The following ASAP1 variants were observed in gnomAD, a reference collection of about 807,000 sequenced individuals.
ASAP1 encodes ArfGAP with SH3 domain, ankyrin repeat and PH domain 1.
In ASAP1, 43 loss-of-function variants were observed where a neutral mutation model predicts 145.2. The ratio of observed to expected loss-of-function variants is 0.30; its 90% CI spans 0.23 to 0.38. The LOEUF is 0.38. Among genes scored for constraint, ASAP1 ranks in the 10% least tolerant of loss-of-function variants. The pLI, the probability that ASAP1 is intolerant of heterozygous loss-of-function variation, is 1.00. For synonymous variants in ASAP1, 546 were observed against 515.5 expected (o/e 1.06, Z -0.80); for missense variants, 1,018 against 1,355.3 (o/e 0.75, Z 3.91).
At chr8:130,060,558 C>G in intron 28 of ASAP1, 21 bp downstream of exon 28, 1 of 1,587,864 alleles carries the variant, frequency 6.3e-7, no homozygotes. Context: ...TTCCTAAGGG[C>G]CTGAACATTG....
intron 4 of ASAP1, among the ~76,000 whole-genome samples, chr8:130,230,519 T>A (rs2136604597): frequency 6.6e-6 from 1 of 152,212 alleles, no homozygotes; most frequent in African/African-American, 2.4e-5. Flanking sequence ...AAAAACCCCT[T>A]CCTTGACCCT....
chr8:130,289,690 A>C (rs1416060531), intron 3 of ASAP1, among the ~76,000 whole-genome samples: 1 of 152,232 alleles, frequency 6.6e-6, no homozygotes, highest in East Asian at 1.9e-4. Flanking sequence ...CCATACAGCC[A>C]GGTAAACTCT....
intron 24 of ASAP1, among the ~76,000 whole-genome samples, chr8:130,097,681 C>T (rs2097521450): frequency 2.0e-5 from 3 of 152,196 alleles, no homozygotes; most frequent in African/African-American, 7.2e-5. Context: ...GGCCCACGGG[C>T]AGTTTTCAGG....
At position 130,333,739 on chromosome 8, in the gene ASAP1, G is replaced by A. The variant is rs142055025; in HGVS notation, c.186+24278C>T. ...ACAACACCAGAAGATTAATATTTTCGCCAATCATACAGATAAAATTATCAG... is the reference window on the plus strand; with the variant it reads ...ACAACACCAGAAGATTAATATTTTCACCAATCATACAGATAAAATTATCAG... On this transcript the variant is annotated intron_variant, in intron 3 of 29. Coordinates refer to ENST00000518721, the MANE Select transcript of ASAP1 (RefSeq NM_018482.4). Among the ~76,000 whole-genome samples the A allele has an allele frequency of 3.7e-4, 56 of 152,222 alleles. 1 individual carries two copies. The highest frequency in any genetic ancestry group is 1.9e-3 in the South Asian group (9 of 4,832).
intron 2 of ASAP1, among the ~76,000 whole-genome samples, chr8:130,384,998 G>C (rs1461818738): frequency 6.6e-6 from 1 of 152,200 alleles, no homozygotes; most frequent in African/African-American, 2.4e-5. Flanking sequence ...GCTCTATGGA[G>C]GCCGGGGCTT....
chr8:130,431,608 A>G (rs879556730), intron 1 of ASAP1, among the ~76,000 whole-genome samples: 3 of 151,714 alleles, frequency 2.0e-5, no homozygotes, highest in Admixed American at 1.3e-4. Context: ...GTCTTCTCTG[A>G]CCCTCCCTGC....
chr8:130,183,261 A>AT (rs34081670), intron 7 of ASAP1, among the ~76,000 whole-genome samples: 26 of 149,252 alleles, frequency 1.7e-4, no homozygotes, highest in South Asian at 1.1e-3. Context: ...AAGGTATCAG[A>AT]TTTTTTTTTT....
At chr8:130,209,068 T>A (rs1565091319) in intron 5 of ASAP1, among the ~76,000 whole-genome samples, 1 of 152,198 alleles carries the variant, frequency 6.6e-6, no homozygotes, top group Non-Finnish European at 1.5e-5. Context: ...CAAAGTCCCC[T>A]ATAGTGGCTA....
At chr8:130,284,423 G>A (rs999757246) in intron 3 of ASAP1, among the ~76,000 whole-genome samples, 6 of 151,680 alleles carry the variant, frequency 4.0e-5, no homozygotes, top group African/African-American at 1.5e-4. Flanking sequence ...GGCAAAAACG[G>A]GAGTCAAATT....
chr8:130,134,412 T>A, intron 14 of ASAP1, 68 bp from the exon 15 acceptor site: 1 of 1,004,858 alleles, frequency 1.0e-6, no homozygotes, highest in Non-Finnish European at 1.4e-6. Context: ...ACAACACAGA[T>A]TTAAGTTCCT....
intron 2 of ASAP1, among the ~76,000 whole-genome samples, chr8:130,370,171 G>A (rs192665798): frequency 6.6e-4 from 100 of 152,222 alleles, no homozygotes; most frequent in Admixed American, 1.6e-3. Flanking sequence ...GCATGGTGGC[G>A]CACACATATA....
At chr8:130,201,579 T>C (rs7004723) in intron 5 of ASAP1, among the ~76,000 whole-genome samples, 4,021 of 152,332 alleles carry the variant, frequency 0.026, 61 homozygotes, top group Middle Eastern at 0.044. Context: ...ATCTGCAGCA[T>C]CTGATTTCAT....
At chr8:130,175,519 C>A (rs894018844) in intron 9 of ASAP1, among the ~76,000 whole-genome samples, 92 of 152,260 alleles carry the variant, frequency 6.0e-4, no homozygotes, top group African/African-American at 2.0e-3. Context: ...AGCCAGTACA[C>A]CTGGACTGTT....
At chr8:130,427,930 A>G (rs1428055447) in intron 1 of ASAP1, 1 of 152,100 alleles carries the variant, frequency 6.6e-6, no homozygotes, top group African/African-American at 2.4e-5. Context: ...CTTCTTCTCA[A>G]TTTCAATCTA....
intron 5 of ASAP1, among the ~76,000 whole-genome samples, chr8:130,201,891 T>C (rs1044650798): frequency 6.6e-6 from 1 of 152,250 alleles, no homozygotes; most frequent in Non-Finnish European, 1.5e-5. Flanking sequence ...TCACAGATTA[T>C]GATAAATGTT....
chr8:130,172,809 C>T (rs1403174831), intron 9 of ASAP1, among the ~76,000 whole-genome samples: 1 of 152,164 alleles, frequency 6.6e-6, no homozygotes, highest in African/African-American at 2.4e-5. Context: ...TTTGAAATGG[C>T]ACTGATAAAA....
At chr8:130,192,391 C>T (rs1330447251) in intron 5 of ASAP1, among the ~76,000 whole-genome samples, 1 of 151,776 alleles carries the variant, frequency 6.6e-6, no homozygotes, top group African/African-American at 2.4e-5. Context: ...GGCTTTGGAT[C>T]ATAATGAGGA....
intron 29 of ASAP1, among the ~76,000 whole-genome samples, chr8:130,055,554 C>T (rs545615416): frequency 6.1e-5 from 9 of 146,726 alleles, no homozygotes; most frequent in African/African-American, 2.2e-4. Context: ...AAAAAAAAGG[C>T]TGCTATGTAC....
At chr8:130,097,416 G>C (rs774710785) in intron 24 of ASAP1, among the ~76,000 whole-genome samples, 1 of 152,054 alleles carries the variant, frequency 6.6e-6, no homozygotes, top group Non-Finnish European at 1.5e-5. Flanking sequence ...CCCCATCCCT[G>C]ACCCTGGCTA....
Sources: gnomAD v4.1 joint callset for allele counts (sites outside exome capture counted in the v4.1 genomes callset) on GRCh38, gnomAD v4.1.1 for gene constraint, MANE v1.5 for transcripts, NCBI Gene and HGNC (gene_info 2026-07-23, HGNC 2026-07-21) for gene names.